The following EP400 variants were observed in gnomAD, a reference collection of about 807,000 sequenced individuals.
EP400 encodes E1A binding protein p400, also known as E1A-binding protein p400.
A neutral mutation model predicts 354.1 loss-of-function variants in EP400; 105 were observed. The observed-to-expected ratio is 0.30, with a 90% CI of 0.25 to 0.35. The LOEUF (loss-of-function observed/expected upper bound fraction) is 0.35, where lower values mean the gene tolerates loss of function less well. Ranked by LOEUF, EP400 falls within the 10% of genes least tolerant of loss-of-function variation. EP400 has a pLI of 1.00. For synonymous variants in EP400, 1,646 were observed against 1,716.9 expected, an observed-to-expected ratio of 0.96 and a Z score of 1.02; for missense variants, 3,280 against 4,121.0, an observed-to-expected ratio of 0.80 and a Z score of 5.59.
At chr12:132,071,708 A>G (rs1896072939) in intron 51 of EP400, among the ~76,000 whole-genome samples, 1 of 152,130 alleles carries the variant, frequency 6.6e-6, no homozygotes, top group South Asian at 2.1e-4. Context: ...TGTCTTCTGC[A>G]GAGCCCTGCT....
intron 21 of EP400, among the ~76,000 whole-genome samples, chr12:132,019,101 A>T (rs1337961325): frequency 6.6e-6 from 1 of 152,160 alleles, no homozygotes; most frequent in Admixed American, 6.5e-5. Flanking sequence ...AGGACTCACG[A>T]CCCAGCAGGC....
chr12:132,020,664 C>T (rs1894094827), intron 22 of EP400, among the ~76,000 whole-genome samples: 2 of 152,240 alleles, frequency 1.3e-5, no homozygotes, highest in Admixed American at 1.3e-4. Flanking sequence ...GCCCTCCACG[C>T]CATGTCCATC....
intron 13 of EP400, among the ~76,000 whole-genome samples, chr12:132,005,699 G>A (rs1415867576): frequency 2.6e-5 from 4 of 152,160 alleles, no homozygotes; most frequent in Non-Finnish European, 4.4e-5. Context: ...CCAGAGGAAG[G>A]AGTGGCGGGT....
At chr12:132,016,493 C>A (rs761599702) in intron 19 of EP400, among the ~76,000 whole-genome samples, 1 of 152,150 alleles carries the variant, frequency 6.6e-6, no homozygotes, top group African/African-American at 2.4e-5. Flanking sequence ...CTCAGCCTCT[C>A]GAGTTGCTGG....
intron 12 of EP400, 81 bp from the exon 13 acceptor site, chr12:132,004,995 TC>T: frequency 9.2e-7 from 1 of 1,086,316 alleles, no homozygotes; most frequent in South Asian, 1.3e-5. Context: ...TTACCGTGGT[TC>T]TCCTGGCTGC....
rs1396787489 is a variant in EP400 at position 132,077,308 on chromosome 12, T to C, written c.9100-93T>C. On this transcript the variant is annotated intron_variant, in intron 52 of 52. Coordinates refer to ENST00000389561, the MANE Select transcript of EP400 (RefSeq NM_015409.5). Reference sequence around the variant, plus strand: ...TCATAAAAGCATAGTCAGTGAAGTTTCTCGAGTCCTCCCCATCCCAAAGAA... The same window carrying C: ...TCATAAAAGCATAGTCAGTGAAGTTCCTCGAGTCCTCCCCATCCCAAAGAA... 3 of 1,480,798 alleles carry C rather than the reference T, an allele frequency of 2.0e-6. No homozygotes were observed. In the African/African-American group the frequency reaches 4.2e-5, roughly 21 times the overall value. The allele number at this position is 1,480,798 out of a possible 1,614,324, so 91.7% of individuals were successfully genotyped here. A position where few individuals can be genotyped will look rare whatever the true frequency, so the allele number is the denominator to read the frequency against.
At chr12:132,056,251 A>G (rs904117633) in intron 45 of EP400, among the ~76,000 whole-genome samples, 1 of 152,120 alleles carries the variant, frequency 6.6e-6, no homozygotes, top group Admixed American at 6.5e-5. Flanking sequence ...CGATGCTTCA[A>G]AGTCAGTGCT....
Position 132,031,411 on chromosome 12 carries a change from T to C in EP400, c.5755-542T>C, listed in dbSNP as rs539081187. ...CCTTCTTGTCACTCATGGCTGATGT[T>C]ATTTAAACTGTGCATGAGGGTGTTG... On this transcript the variant is annotated intron_variant, in intron 29 of 52. Transcript: ENST00000389561. The C allele has an allele frequency of 2.4e-4, 123 of 518,546 alleles. 4 individuals are homozygous for C. Among genetic ancestry groups the C allele is most frequent in the South Asian group, 1.7e-3 (118 of 71,510 alleles). The allele number at this position is 518,546 out of a possible 1,614,324, so 32.1% of individuals were successfully genotyped here.
In EP400 at chr12:132,054,200, T is replaced by G. The variant is rs908697754; in HGVS notation, c.7728+603T>G. 6.6e-6 allele frequency among the ~76,000 whole-genome samples: 1 copy of G among 152,208 alleles called. No homozygotes were observed. Among genetic ancestry groups the G allele is most frequent in the African/African-American group, 2.4e-5 (1 of 41,456 alleles). ...TGCGCAGAATCACACCTGCAGAGAA[T>G]AGGAGCTGTGCCAAATTGGGGAAAC... On this transcript the variant is annotated intron_variant, in intron 43 of 52. Coordinates refer to ENST00000389561, the MANE Select transcript of EP400 (RefSeq NM_015409.5). The surrounding 1 kb of genome is among the most constrained non-coding windows in gnomAD (Gnocchi z 4.0).
intron 2 of EP400, among the ~76,000 whole-genome samples, chr12:131,969,684 G>A (rs1000238287): frequency 1.3e-5 from 2 of 152,120 alleles, no homozygotes; most frequent in Non-Finnish European, 2.9e-5. Context: ...AAAGAGCCTG[G>A]TTCCTTTCGG....
intron 7 of EP400, among the ~76,000 whole-genome samples, chr12:131,989,564 C>T (rs776667639): frequency 6.6e-6 from 1 of 152,164 alleles, no homozygotes; most frequent in Non-Finnish European, 1.5e-5. Flanking sequence ...AAAGCAAAAG[C>T]TTTAAAAATG....
intron 2 of EP400, among the ~76,000 whole-genome samples, chr12:131,973,891 T>C (rs892568258): frequency 2.6e-5 from 4 of 152,208 alleles, no homozygotes; most frequent in Non-Finnish European, 5.9e-5. Context: ...AGCATTTTTT[T>C]CAGTGATTAT....
At chr12:132,074,073 C>T (rs1371570197) in intron 51 of EP400, among the ~76,000 whole-genome samples, 2 of 150,744 alleles carry the variant, frequency 1.3e-5, no homozygotes, top group Admixed American at 6.6e-5. Flanking sequence ...TACAGGCACA[C>T]ACCACCATGC....
intron 12 of EP400, among the ~76,000 whole-genome samples, chr12:131,996,295 C>CTTTTTTTTTTTTT (rs575217796): frequency 7.8e-6 from 1 of 128,234 alleles, no homozygotes; most frequent in Non-Finnish European, 1.6e-5. Context: ...GGAAGGAACT[C>CTTTTTTTTTTTTT]TTTTTTTTTT....
chr12:132,071,113 G>A (rs1896053699), intron 51 of EP400, among the ~76,000 whole-genome samples: 1 of 152,194 alleles, frequency 6.6e-6, no homozygotes, highest in South Asian at 2.1e-4. Context: ...GAAGTAGGGT[G>A]TTTGCTGTGT....
chr12:132,021,107 G>A lies in EP400; in HGVS notation c.4476G>A (p.Gln1492=), dbSNP rs778983736. The part of the protein sequence containing the change: ...KAAAAPFQTS[Q]ASASAPRHQP... ...CAGCAGCCCCGTTTCAGACCTCTCA[G>A]GCTTCCGCCAGTGCTCCACGACACC... Residue 1492 remains glutamine (Q), a synonymous_variant, in exon 23 of 53, where the codon CAG becomes CAA. Transcript: ENST00000389561. 3.8e-6 allele frequency: 6 copies of A among 1,599,868 alleles called. 1 individual carries two copies. In the South Asian group the frequency reaches 6.6e-5, roughly 18 times the overall value.
rs1243531373 is a variant in EP400, at chr12:132,064,863, G to A, written c.8530G>A (p.Ala2844Thr). Residue 2844 changes from alanine to threonine, a missense_variant, in exon 48 of 53, where the codon GCC becomes ACC. Coordinates refer to ENST00000389561, the MANE Select transcript of EP400 (RefSeq NM_015409.5). ...PGALLTGTTV[A>T]NLQVARLTRV... ...TGCCCTGCTGACGGGCACCACCGTG[G>A]CCAACCTCCAGGTGGCCCGGCTCGT... The A allele has an allele frequency of 3.1e-6, 5 of 1,610,130 alleles. No homozygotes were observed. The highest frequency in any genetic ancestry group is 2.5e-6 in the Non-Finnish European group (3 of 1,178,816).
intron 16 of EP400, among the ~76,000 whole-genome samples, 170 bp downstream of exon 16, chr12:132,011,804 G>A (rs186950894): frequency 4.6e-5 from 7 of 152,294 alleles, no homozygotes; most frequent in East Asian, 1.9e-4. Context: ...AGACAATACC[G>A]CATCGGCCTG....
intron 48 of EP400, chr12:132,066,192 C>A (rs1895885276): frequency 6.6e-6 from 1 of 152,362 alleles, no homozygotes; most frequent in African/African-American, 2.4e-5. Flanking sequence ...CAGATATGAA[C>A]AGTGGCTGAA....
Sources: allele counts gnomAD v4.1 joint callset (sites outside exome capture counted in the v4.1 genomes callset), GRCh38; gene constraint gnomAD v4.1.1; non-coding constraint Gnocchi (gnomAD v3.1); transcripts MANE v1.5; gene names NCBI Gene and HGNC (gene_info 2026-07-23, HGNC 2026-07-21).